Variants in MMS22L observed in about 807,000 individuals in gnomAD.
MMS22L encodes MMS22 like, DNA repair protein, also known as protein MMS22-like.
A neutral mutation model predicts 159.1 loss-of-function variants in MMS22L; 74 were observed. The observed-to-expected ratio is 0.47, with a 90% confidence interval of 0.39 to 0.56. The LOEUF (loss-of-function observed/expected upper bound fraction) is 0.56, where lower values mean the gene tolerates loss of function less well. MMS22L is among the 20% of genes least tolerant of loss of function. The pLI, the probability that MMS22L is intolerant of heterozygous loss-of-function variation, is 0.00. For missense variants in MMS22L, 1,351 were observed against 1,422.1 expected (o/e 0.95, Z 0.80); for synonymous variants, 517 against 506.9 (o/e 1.02, Z -0.27).
At chr6:97,187,054 G>T (rs1805317331) in intron 14 of MMS22L, among the ~76,000 whole-genome samples, 1 of 102,458 alleles carries the variant, frequency 9.8e-6, no homozygotes, top group Non-Finnish European at 2.2e-5. Flanking sequence ...TTCTCCTGAG[G>T]GCTTTAGGAC....
chr6:97,160,524 C>T (rs1802331706), intron 22 of MMS22L, among the ~76,000 whole-genome samples: 1 of 151,944 alleles, frequency 6.6e-6, no homozygotes, highest in Non-Finnish European at 1.5e-5. Flanking sequence ...TCTCTGGCTA[C>T]TTCCAAGATT....
intron 14 of MMS22L, among the ~76,000 whole-genome samples, chr6:97,192,187 T>C (rs1180339865): frequency 1.4e-5 from 2 of 147,220 alleles, no homozygotes; most frequent in African/African-American, 5.1e-5. Context: ...GATGGATGGA[T>C]GGATGGATGG....
intron 9 of MMS22L, 26 bp downstream of exon 9, chr6:97,263,309 A>G: frequency 7.3e-7 from 1 of 1,368,748 alleles, no homozygotes; most frequent in Non-Finnish European, 1.0e-6. Context: ...AGTAACAATA[A>G]CCAACACATC....
chr6:97,220,969 C>G (rs1005208003), intron 14 of MMS22L, among the ~76,000 whole-genome samples: 9 of 36,378 alleles, frequency 2.5e-4, no homozygotes, highest in Non-Finnish European at 7.5e-4. Context: ...CACACACACA[C>G]ACACACACAC....
At chr6:97,281,494 T>C in intron 2 of MMS22L, 132 bp from the exon 3 acceptor site, 2 of 670,018 alleles carry the variant, frequency 3.0e-6, no homozygotes, top group Non-Finnish European at 4.9e-6. Flanking sequence ...CTTGGTACTT[T>C]ACACATTCAA....
chr6:97,269,251 T>C (rs1173444857), intron 7 of MMS22L, among the ~76,000 whole-genome samples: 3 of 152,068 alleles, frequency 2.0e-5, no homozygotes, highest in Non-Finnish European at 4.4e-5. Context: ...AAATAAAATA[T>C]AATTGATAAT....
At position 97,173,072 on chromosome 6, in the gene MMS22L, C is replaced by T. The variant is rs1407662996; in HGVS notation, c.2830G>A (p.Gly944Arg). The T allele has an allele frequency of 1.2e-6, 2 of 1,610,154 alleles. No individual in the cohort carries two copies. The highest frequency in any genetic ancestry group is 8.5e-7 in the Non-Finnish European group (1 of 1,178,888). The change falls in exon 19 of 25, where the codon GGA (glycine) becomes AGA (arginine). Residue 944 changes from glycine (G) to arginine (R), a missense_variant. By Grantham distance (125) the Gly-to-Arg change is moderately radical (BLOSUM62 -2). Coordinates refer to ENST00000683635, the MANE Select transcript of MMS22L (RefSeq NM_001350599.2). ...VFSAGLQLTY[G>R]MMGILVKSWA... ...TGCCAGGAATACATACCCATCATTC[C>T]ATAAGTCAGCTGCAGCCCTGCACTG...
chr6:97,268,186 G>T (rs923196612), intron 7 of MMS22L, among the ~76,000 whole-genome samples, 184 bp from the exon 8 acceptor site: 2 of 147,714 alleles, frequency 1.4e-5, no homozygotes, highest in African/African-American at 4.9e-5. Flanking sequence ...ATCTTCAAAA[G>T]TTTCTTTTTT....
intron 17 of MMS22L, among the ~76,000 whole-genome samples, chr6:97,178,972 T>C (rs1173678034): frequency 2.6e-5 from 4 of 152,114 alleles, no homozygotes; most frequent in South Asian, 2.1e-4. Flanking sequence ...CAATGACTAC[T>C]TGTAAAGCAG....
At chr6:97,212,138 C>T (rs1054354530) in intron 14 of MMS22L, among the ~76,000 whole-genome samples, 1 of 152,188 alleles carries the variant, frequency 6.6e-6, no homozygotes, top group African/African-American at 2.4e-5. Context: ...CCTCACTACA[C>T]TGTGGGGCAC....
At chr6:97,200,294 C>T (rs561569716) in intron 14 of MMS22L, among the ~76,000 whole-genome samples, 4 of 152,114 alleles carry the variant, frequency 2.6e-5, no homozygotes, top group African/African-American at 9.6e-5. Context: ...CATACATTCC[C>T]TATAGAGATG....
At chr6:97,152,107 A>T (rs992962448) in intron 22 of MMS22L, among the ~76,000 whole-genome samples, 4 of 152,218 alleles carry the variant, frequency 2.6e-5, no homozygotes, top group Non-Finnish European at 4.4e-5. Flanking sequence ...TAATACATGA[A>T]GACCTATTTT....
At chr6:97,189,826 G>T (rs1474755656) in intron 14 of MMS22L, among the ~76,000 whole-genome samples, 2 of 152,116 alleles carry the variant, frequency 1.3e-5, no homozygotes, top group Non-Finnish European at 2.9e-5. Flanking sequence ...AGCTTTTTCA[G>T]TCTGGATAAG....
chr6:97,260,912 G>T (rs747351532), intron 9 of MMS22L: 5 of 151,494 alleles, frequency 3.3e-5, no homozygotes, highest in Non-Finnish European at 5.9e-5. Context: ...TTTTTTGGTG[G>T]TGGTGTTTTA....
intron 14 of MMS22L, among the ~76,000 whole-genome samples, chr6:97,203,148 T>C (rs1053864863): frequency 2.0e-5 from 3 of 152,172 alleles, no homozygotes. Context: ...TTTTAAGCTG[T>C]TTTTCTTATC....
At chr6:97,279,644 G>A (rs956360387) in intron 3 of MMS22L, among the ~76,000 whole-genome samples, 8 of 151,746 alleles carry the variant, frequency 5.3e-5, no homozygotes, top group East Asian at 1.9e-4. Flanking sequence ...AAAATTAGCC[G>A]GGCGTGGTGG....
At chr6:97,232,349 T>C (rs1810961996) in intron 12 of MMS22L, among the ~76,000 whole-genome samples, 1 of 152,166 alleles carries the variant, frequency 6.6e-6, no homozygotes, top group African/African-American at 2.4e-5. Context: ...TACAAAATGG[T>C]GACTTCTAAT....
At chr6:97,179,680 C>A in intron 16 of MMS22L, 121 bp from the exon 17 acceptor site, 1 of 786,460 alleles carries the variant, frequency 1.3e-6, no homozygotes, top group Non-Finnish European at 1.8e-6. Context: ...ATTTTTCAGA[C>A]AAACACACTA....
intron 14 of MMS22L, among the ~76,000 whole-genome samples, chr6:97,212,435 T>TA (rs1379573737): frequency 6.6e-6 from 1 of 152,176 alleles, no homozygotes; most frequent in Admixed American, 6.5e-5. Flanking sequence ...AATGGAGCCC[T>TA]AAAAAATCTT....
Sources: allele counts gnomAD v4.1 joint callset (sites outside exome capture counted in the v4.1 genomes callset), GRCh38; gene constraint gnomAD v4.1.1; transcripts MANE v1.5; gene names NCBI Gene and HGNC (gene_info 2026-07-23, HGNC 2026-07-21).